Variants in DOCK10 observed in about 807,000 individuals in gnomAD.
DOCK10 encodes dedicator of cytokinesis 10, also known as dedicator of cytokinesis protein 10.
A neutral mutation model predicts 280.1 loss-of-function variants in DOCK10; 145 were observed. The observed-to-expected ratio is 0.52, with a 90% confidence interval of 0.45 to 0.59. The LOEUF is 0.59. Among genes scored for constraint, DOCK10 ranks in the 20% least tolerant of loss-of-function variants. DOCK10 has a pLI of 0.00. For synonymous variants in DOCK10, 915 were observed against 942.2 expected, an observed-to-expected ratio of 0.97 and a Z score of 0.53; for missense variants, 2,368 against 2,651.7, an observed-to-expected ratio of 0.89 and a Z score of 2.35.
At position 224,794,852 on chromosome 2, in the gene DOCK10, G is replaced by A. The variant is rs370070488; in HGVS notation, c.5154+27C>T. ...CCTGATAAAGAGGACAATACTGATG[G>A]TAAATGACCAAGCCTTGGCTAATCA... is the stretch of plus-strand genomic sequence containing the variant. On this transcript the variant is annotated intron_variant, in intron 45 of 55. Coordinates refer to ENST00000258390, the MANE Select transcript of DOCK10 (RefSeq NM_014689.3). The A allele has an allele frequency of 8.1e-6, 13 of 1,608,674 alleles. No individual in the cohort carries two copies. In the South Asian group the frequency reaches 1.3e-4, roughly 16 times the overall value.
intron 1 of DOCK10, among the ~76,000 whole-genome samples, chr2:224,979,492 A>G (rs914544067): frequency 5.9e-5 from 9 of 152,178 alleles, no homozygotes; most frequent in Non-Finnish European, 1.3e-4. Context: ...TGTGCCTGAC[A>G]TGATCTGACC....
At chr2:224,774,864 G>T in intron 52 of DOCK10, 41 bp downstream of exon 52, 1 of 1,543,816 alleles carries the variant, frequency 6.5e-7, no homozygotes, top group Non-Finnish European at 8.8e-7. Flanking sequence ...GGCCTGTGCT[G>T]GAACAGGTGC....
In DOCK10 at chr2:224,805,831, T is replaced by A. The variant is rs531552082; in HGVS notation, c.3814+295A>T. ...TACTTGAAGTTGAAAAGCCATTATA[T>A]CTTAAAAGGCTGTCTGCAATGAAAA... On this transcript the variant is annotated intron_variant, in intron 34 of 55. Transcript: ENST00000258390. This position sits in a 1 kb window ranked among gnomAD's most constrained non-coding sequence, Gnocchi z 4.3. Among the ~76,000 whole-genome samples the A allele has an allele frequency of 2.0e-5, 3 of 152,266 alleles. No individual in the cohort carries two copies. Among genetic ancestry groups the A allele is most frequent in the African/African-American group, 7.2e-5 (3 of 41,554 alleles).
At chr2:224,871,553 T>C (rs1323698557) in intron 11 of DOCK10, among the ~76,000 whole-genome samples, 1 of 152,194 alleles carries the variant, frequency 6.6e-6, no homozygotes, top group Non-Finnish European at 1.5e-5. Flanking sequence ...ATTCAAACTC[T>C]TTACTATGGC....
chr2:225,002,730 T>C (rs967606990), intron 1 of DOCK10, among the ~76,000 whole-genome samples: 2 of 152,094 alleles, frequency 1.3e-5, no homozygotes, highest in African/African-American at 4.8e-5. Context: ...ACCCACAGCT[T>C]CCAGAAACAG....
At chr2:224,977,741 C>T (rs1040551980) in intron 1 of DOCK10, among the ~76,000 whole-genome samples, 2 of 152,144 alleles carry the variant, frequency 1.3e-5, no homozygotes, top group Non-Finnish European at 2.9e-5. Flanking sequence ...TCATGTGTTT[C>T]TTTTAAATAA....
chr2:224,885,910 C>A, intron 6 of DOCK10, 105 bp from the exon 7 acceptor site: 1 of 1,507,286 alleles, frequency 6.6e-7, no homozygotes, highest in South Asian at 1.3e-5. Context: ...ATTTCTAGGA[C>A]ATTTTTCTAG....
chr2:224,787,278 G>C lies in DOCK10; in HGVS notation c.5538C>G (p.Phe1846Leu). The C allele has an allele frequency of 6.2e-7, 1 of 1,613,934 alleles. No homozygotes were observed. Among genetic ancestry groups the C allele is most frequent in the African/African-American group, 1.3e-5 (1 of 75,030 alleles). The change falls in exon 49 of 56, where the codon TTC (phenylalanine) becomes TTG (leucine). Residue 1846 changes from phenylalanine to leucine, a missense_variant. Transcript: ENST00000258390. ...IIAVFEKQRD[F>L]KKLSDLYYDI... is the part of the protein sequence containing the mutation. ...TCTAGGGGGTTGGAATACATACTTT[G>C]AAGTCTCGTTGTTTCTCAAAGACAG...
intron 51 of DOCK10, among the ~76,000 whole-genome samples, chr2:224,777,258 T>C (rs1222545973): frequency 6.6e-6 from 1 of 152,238 alleles, no homozygotes; most frequent in Admixed American, 6.5e-5. Context: ...TAATATTAAA[T>C]GTCAACCTGA....
chr2:224,841,750 CT>C, intron 23 of DOCK10, 53 bp downstream of exon 23: 1 of 1,286,774 alleles, frequency 7.8e-7, no homozygotes, highest in Non-Finnish European at 1.1e-6. Flanking sequence ...GTAAAAGTCT[CT>C]TTTGCACATT....
intron 1 of DOCK10, among the ~76,000 whole-genome samples, chr2:224,990,507 A>G (rs1706096340): frequency 6.6e-6 from 1 of 152,206 alleles, no homozygotes; most frequent in African/African-American, 2.4e-5. Context: ...GAATTCAACA[A>G]ATTCTAATTA....
intron 1 of DOCK10, among the ~76,000 whole-genome samples, chr2:224,977,654 A>G (rs1219131202): frequency 6.6e-6 from 1 of 152,226 alleles, no homozygotes; most frequent in African/African-American, 2.4e-5. Flanking sequence ...AAAGCTTTAA[A>G]GGAATTTCTT....
At chr2:224,929,110 C>T (rs1007865717) in intron 2 of DOCK10, among the ~76,000 whole-genome samples, 4 of 152,218 alleles carry the variant, frequency 2.6e-5, no homozygotes, top group Admixed American at 2.6e-4. Flanking sequence ...TAGACCAACA[C>T]AGCTCTTACC....
intron 1 of DOCK10, among the ~76,000 whole-genome samples, chr2:224,994,679 G>A (rs73083753): frequency 0.06 from 9,105 of 152,218 alleles, 314 homozygotes; most frequent in Middle Eastern, 0.12. Context: ...CGACAGACAA[G>A]ATCTTCCTCT....
rs374118978 is a variant in DOCK10 at position 224,796,662 on chromosome 2, T to G, written c.4828-236A>C. 3.3e-5 allele frequency among the ~76,000 whole-genome samples: 5 copies of G among 152,166 alleles called. 1 individual carries two copies. Among genetic ancestry groups the G allele is most frequent in the African/African-American group, 1.2e-4 (5 of 41,498 alleles). Reference sequence around the variant, plus strand: ...CTTGGGATGCCTAGAAGAAAAAAAATTACGTTTGGAATTTGGCGGGGTTTG... The same window carrying G: ...CTTGGGATGCCTAGAAGAAAAAAAAGTACGTTTGGAATTTGGCGGGGTTTG... On this transcript the variant is annotated intron_variant, in intron 43 of 55. Transcript: ENST00000258390.
chr2:224,924,128 T>G (rs1317663819), intron 2 of DOCK10, among the ~76,000 whole-genome samples: 1 of 152,194 alleles, frequency 6.6e-6, no homozygotes, highest in Non-Finnish European at 1.5e-5. Context: ...TTCCTTTGTA[T>G]CCTTCCTGTG....
At chr2:225,000,134 C>T (rs1441632557) in intron 1 of DOCK10, among the ~76,000 whole-genome samples, 4 of 151,904 alleles carry the variant, frequency 2.6e-5, no homozygotes, top group Non-Finnish European at 4.4e-5. Context: ...ATGAGTCTTC[C>T]GAAGCCACAA....
intron 3 of DOCK10, among the ~76,000 whole-genome samples, chr2:224,902,415 A>G (rs1237882736): frequency 1.3e-5 from 2 of 152,218 alleles, no homozygotes; most frequent in Non-Finnish European, 1.5e-5. Context: ...GTATTTGTAA[A>G]ACGATGGTGG....
intron 3 of DOCK10, among the ~76,000 whole-genome samples, chr2:224,900,158 T>C (rs1700213308): frequency 6.6e-6 from 1 of 152,196 alleles, no homozygotes. Context: ...TGTACACTCA[T>C]GCATGTTATG....
Sources: allele counts gnomAD v4.1 joint callset (sites outside exome capture counted in the v4.1 genomes callset), GRCh38; gene constraint gnomAD v4.1.1; non-coding constraint Gnocchi (gnomAD v3.1); transcripts MANE v1.5; gene names NCBI Gene and HGNC (gene_info 2026-07-23, HGNC 2026-07-21).